The following KIDINS220 variants were observed in gnomAD, a reference collection of about 807,000 sequenced individuals.
The protein encoded by KIDINS220 is kinase D-interacting substrate of 220 kDa.
Under a neutral mutation model 157.6 loss-of-function variants are expected in KIDINS220, and 63 were observed. That is an observed-to-expected ratio of 0.40 (90% confidence interval 0.33 to 0.49). The LOEUF is 0.49. KIDINS220 is among the 20% of genes least tolerant of loss of function. KIDINS220 has a pLI of 0.66. For missense variants in KIDINS220, 1,772 were observed against 2,171.2 expected (o/e 0.82, Z 3.65); for synonymous variants, 732 against 783.6 (o/e 0.93, Z 1.10).
chr2:8,801,534 G>A (rs965679239), intron 8 of KIDINS220, among the ~76,000 whole-genome samples: 3 of 152,178 alleles, frequency 2.0e-5, no homozygotes, highest in African/African-American at 7.2e-5. Flanking sequence ...TTACAGCCTG[G>A]CAGAGAAGAC....
intron 17 of KIDINS220, among the ~76,000 whole-genome samples, chr2:8,784,008 C>T (rs1450291550): frequency 6.6e-6 from 1 of 152,030 alleles, no homozygotes; most frequent in Non-Finnish European, 1.5e-5. Flanking sequence ...TGACACTACC[C>T]AACTTCAAGA....
intron 17 of KIDINS220, among the ~76,000 whole-genome samples, chr2:8,781,153 A>ATATATATATATTATATAT (rs70946383): frequency 1.5e-5 from 2 of 130,410 alleles, no homozygotes; most frequent in Admixed American, 7.8e-5. Flanking sequence ...ATATATATAT[A>ATATATATATATTATATAT]ATATATATAT....
chr2:8,793,600 G>C (rs1572684659), intron 12 of KIDINS220, among the ~76,000 whole-genome samples: 1 of 152,208 alleles, frequency 6.6e-6, no homozygotes, highest in Middle Eastern at 3.4e-3. Flanking sequence ...ACCACGCTCA[G>C]CTAATTTTTT....
chr2:8,778,697 G>A lies in KIDINS220; in HGVS notation c.2645C>T (p.Ser882Leu), dbSNP rs1671296587. 1.2e-6 allele frequency: 2 copies of A among 1,614,056 alleles called. No individual in the cohort carries two copies. The highest frequency in any genetic ancestry group is 4.5e-5 in the East Asian group (2 of 44,884). ...GIQEDADRRVSQNSLGEMTKL... is the reference protein window; with the variant it reads ...GIQEDADRRVLQNSLGEMTKL... ...TGTCATCTCCCCAAGGCTGTTCTGTGAAACTCTTCTGTCAGCATCTTCCTG... is the reference window on the plus strand; with the variant it reads ...TGTCATCTCCCCAAGGCTGTTCTGTAAAACTCTTCTGTCAGCATCTTCCTG... The change falls in exon 20 of 30, where the codon TCA becomes TTA. Residue 882 changes from serine to leucine, a missense_variant. Coordinates refer to ENST00000256707, the MANE Select transcript of KIDINS220 (RefSeq NM_020738.4).
Position 8,791,112 on chromosome 2 carries a change from C to A in KIDINS220, c.1389G>T (p.Gly463=). 6.2e-7 allele frequency: 1 copy of A among 1,614,108 alleles called. No individual in the cohort carries two copies. Among genetic ancestry groups the A allele is most frequent in the Non-Finnish European group, 8.5e-7 (1 of 1,179,946 alleles). The change falls in exon 13 of 30, where the codon GGG becomes GGT. Residue 463 remains glycine, a synonymous_variant. Coordinates refer to ENST00000256707, the MANE Select transcript of KIDINS220 (RefSeq NM_020738.4). The part of the protein sequence containing the change: ...EPTMQPPICV[G]LYAQWGSGKS... ...TCCCACTTCCCCACTGTGCATATAA[C>A]CCCACACAAATGGGTGGCTGCATGG...
intron 26 of KIDINS220, among the ~76,000 whole-genome samples, chr2:8,743,831 A>T (rs1410053720): frequency 5.3e-5 from 8 of 152,158 alleles, no homozygotes; most frequent in Non-Finnish European, 2.9e-5. Context: ...TTTGATTAAG[A>T]GTTCATTTCT....
chr2:8,826,044 A>G (rs1572825842), intron 2 of KIDINS220: 1 of 152,280 alleles, frequency 6.6e-6, no homozygotes, highest in East Asian at 1.9e-4. Flanking sequence ...AGATCCTGCC[A>G]CTGTACACCA....
At chr2:8,827,279 G>T (rs1262758212) in intron 1 of KIDINS220, 150 bp from the exon 2 acceptor site, 1 of 474,908 alleles carries the variant, frequency 2.1e-6, no homozygotes, top group Non-Finnish European at 3.8e-6. Context: ...CATAGCTCAG[G>T]TGTCAAAAAG....
intron 22 of KIDINS220, among the ~76,000 whole-genome samples, chr2:8,762,043 A>T (rs1668802501): frequency 6.6e-6 from 1 of 152,232 alleles, no homozygotes; most frequent in South Asian, 2.1e-4. Context: ...ACTTGTTTGA[A>T]AAATATAACT....
intron 15 of KIDINS220, among the ~76,000 whole-genome samples, chr2:8,787,863 T>G (rs1160392129): frequency 1.3e-5 from 2 of 152,034 alleles, no homozygotes; most frequent in Non-Finnish European, 2.9e-5. Context: ...TAGACAGACA[T>G]GTGAATATAT....
At chr2:8,804,480 A>G (rs1033780735) in intron 7 of KIDINS220, among the ~76,000 whole-genome samples, 1 of 152,216 alleles carries the variant, frequency 6.6e-6, no homozygotes, top group African/African-American at 2.4e-5. Context: ...AGGCTGGGGA[A>G]TGAGGAATTA....
Position 8,729,777 on chromosome 2 carries a change from A to G in KIDINS220, c.*943T>C, listed in dbSNP as rs903362971. The G allele has an allele frequency of 3.1e-6, 3 of 982,442 alleles. No homozygotes were observed. Among genetic ancestry groups the G allele is most frequent in the Non-Finnish European group, 3.6e-6 (3 of 827,322 alleles). The allele number at this position is 982,442 out of a possible 1,614,324, so 60.9% of individuals were successfully genotyped here. ...ATTAAATATTTCCTTGTCATTTATC[A>G]ATTGTCACTGACCTTTTTGATGTAA... On this transcript the variant is annotated 3_prime_UTR_variant, in exon 30 of 30. Coordinates refer to ENST00000256707, the MANE Select transcript of KIDINS220 (RefSeq NM_020738.4).
At chr2:8,741,948 G>A (rs766753055) in intron 26 of KIDINS220, among the ~76,000 whole-genome samples, 1 of 152,292 alleles carries the variant, frequency 6.6e-6, no homozygotes, top group Non-Finnish European at 1.5e-5. Context: ...GTGCAAAGTC[G>A]CTGAGAGCTG....
At chr2:8,744,402 ATATATATATATATATATAT>A (rs1666240383) in intron 26 of KIDINS220, among the ~76,000 whole-genome samples, 10 of 3,392 alleles carry the variant, frequency 2.9e-3, no homozygotes, top group Admixed American at 6.8e-3. Flanking sequence ...TATATATATA[ATATATATATATATATATAT>A]ATATATATAT....
intron 17 of KIDINS220, among the ~76,000 whole-genome samples, chr2:8,781,449 GA>G (rs909901215): frequency 1.4e-5 from 2 of 147,194 alleles, no homozygotes; most frequent in African/African-American, 2.5e-5. Context: ...TCCAAAAAAA[GA>G]AAAAAAAACA....
intron 26 of KIDINS220, among the ~76,000 whole-genome samples, chr2:8,746,080 T>C (rs536255338): frequency 6.6e-6 from 1 of 151,766 alleles, no homozygotes; most frequent in African/African-American, 2.4e-5. Context: ...TATTTCTTAT[T>C]AAGTACGAAG....
At chr2:8,825,648 C>T (rs1192730237) in intron 2 of KIDINS220, 1 of 152,088 alleles carries the variant, frequency 6.6e-6, no homozygotes, top group African/African-American at 2.4e-5. Flanking sequence ...TATCTACTGG[C>T]AAGAAATATT....
intron 26 of KIDINS220, among the ~76,000 whole-genome samples, chr2:8,741,356 C>G (rs945043627): frequency 6.6e-6 from 1 of 152,200 alleles, no homozygotes; most frequent in African/African-American, 2.4e-5. Flanking sequence ...GACTTGAGGT[C>G]AGGAGTTCAA....
At chr2:8,765,015 G>A (rs1301316008) in intron 22 of KIDINS220, among the ~76,000 whole-genome samples, 1 of 151,772 alleles carries the variant, frequency 6.6e-6, no homozygotes, top group Admixed American at 6.5e-5. Context: ...ATAAAGCCTC[G>A]AAGGATGGGG....
Sources: gnomAD v4.1 joint callset for allele counts (sites outside exome capture counted in the v4.1 genomes callset) on GRCh38, gnomAD v4.1.1 for gene constraint, MANE v1.5 for transcripts, NCBI Gene and HGNC (gene_info 2026-07-23, HGNC 2026-07-21) for gene names.